The following DPYSL5 variants were observed in gnomAD, a reference collection of about 807,000 sequenced individuals.
DPYSL5 encodes the protein dihydropyrimidinase-related protein 5.
Under a neutral mutation model 58.4 loss-of-function variants are expected in DPYSL5, and 9 were observed. That is an observed-to-expected ratio of 0.15 (90% CI 0.09 to 0.27). The LOEUF (loss-of-function observed/expected upper bound fraction) is 0.27, where lower values mean the gene tolerates loss of function less well. DPYSL5 is among the 10% of genes least tolerant of loss of function. The pLI, the probability that DPYSL5 is intolerant of heterozygous loss-of-function variation, is 1.00. For synonymous variants in DPYSL5, 293 were observed against 301.9 expected, an observed-to-expected ratio of 0.97 and a Z score of 0.31; for missense variants, 499 against 770.6, an observed-to-expected ratio of 0.65 and a Z score of 4.17.
chr2:26,933,472 G>A lies in DPYSL5; in HGVS notation c.790+139G>A, dbSNP rs1260045408. The A allele has an allele frequency of 1.6e-5, 12 of 741,398 alleles. No individual in the cohort carries two copies. Among genetic ancestry groups the A allele is most frequent in the East Asian group, 5.3e-5 (2 of 37,430 alleles). 45.9% of individuals were successfully genotyped at this position (741,398 alleles called of 1,614,324 possible). A position where few individuals can be genotyped will look rare whatever the true frequency, so the allele number is the denominator to read the frequency against. ...CAGCCCTTCCCTTTCATCTGCCACC[G>A]TCTTCCTCAGAGCTGCCCTGTGCTA... On this transcript the variant is annotated intron_variant, in intron 7 of 12. Transcript: ENST00000288699. The surrounding 1 kb of genome is among the most constrained non-coding windows in gnomAD (Gnocchi z 4.2).
At chr2:26,937,303 T>G (rs570573982) in intron 8 of DPYSL5, among the ~76,000 whole-genome samples, 118 of 152,170 alleles carry the variant, frequency 7.8e-4, no homozygotes, top group Non-Finnish European at 1.6e-3. Flanking sequence ...TGTGTTATGA[T>G]AATAGTCTGA....
At chr2:26,894,556 C>T (rs1327126292) in intron 1 of DPYSL5, among the ~76,000 whole-genome samples, 1 of 152,122 alleles carries the variant, frequency 6.6e-6, no homozygotes, top group Non-Finnish European at 1.5e-5. Context: ...TTTGTTGAGG[C>T]CTTCTGTTAA....
intron 6 of DPYSL5, among the ~76,000 whole-genome samples, chr2:26,932,115 A>AG (rs1481729901): frequency 7.0e-5 from 10 of 142,034 alleles, no homozygotes; most frequent in African/African-American, 1.9e-4. Flanking sequence ...AAGAAAAGAA[A>AG]AAAGAAAGAG....
intron 8 of DPYSL5, chr2:26,938,992 C>T (rs1665251313): frequency 6.6e-6 from 1 of 152,450 alleles, no homozygotes; most frequent in Non-Finnish European, 1.5e-5. Flanking sequence ...TCTCTGAATC[C>T]AGGCCACCTG....
chr2:26,888,298 A>G (rs1278330439), intron 1 of DPYSL5, among the ~76,000 whole-genome samples: 4 of 75,166 alleles, frequency 5.3e-5, no homozygotes, highest in African/African-American at 2.2e-4. Flanking sequence ...TCTTTCTTTC[A>G]TCTCTGTCTC....
chr2:26,927,383 T>A lies in DPYSL5; in HGVS notation c.551T>A (p.Ile184Asn). Residue 184 changes from isoleucine (I) to asparagine (N), a missense_variant, in exon 4 of 13, where the codon ATT becomes AAT. Ile to Asn is a moderately radical substitution (Grantham distance 149, BLOSUM62 -3). Coordinates refer to ENST00000288699, the MANE Select transcript of DPYSL5 (RefSeq NM_020134.4). The surrounding 1 kb of genome is among the most constrained non-coding windows in gnomAD (Gnocchi z 4.3). ...LYQVLHACKD[I>N]GAIARVHAEN... is the part of the protein sequence containing the mutation. ...CAAGTGTTGCACGCTTGCAAGGACA[T>A]TGGGGCAATCGCCCGCGTCCATGCT... is the stretch of plus-strand genomic sequence containing the variant. 1 of 1,614,246 alleles carries A rather than the reference T, an allele frequency of 6.2e-7. No individual in the cohort carries two copies.
At chr2:26,931,231 G>A (rs1400860600) in intron 5 of DPYSL5, among the ~76,000 whole-genome samples, 9 of 46,586 alleles carry the variant, frequency 1.9e-4, no homozygotes, top group African/African-American at 2.5e-4. Flanking sequence ...ATATATATAT[G>A]AATTATACAA....
chr2:26,912,084 C>A (rs1203229051), intron 2 of DPYSL5, among the ~76,000 whole-genome samples: 2 of 152,226 alleles, frequency 1.3e-5, no homozygotes, highest in African/African-American at 4.8e-5. Flanking sequence ...ATCGGGATGC[C>A]CCTGAGCTGT....
intron 1 of DPYSL5, among the ~76,000 whole-genome samples, chr2:26,854,788 A>G (rs907515417): frequency 6.6e-6 from 1 of 151,954 alleles, no homozygotes; most frequent in African/African-American, 2.4e-5. Context: ...CTGGCTCCCC[A>G]TTTAAATTTT....
At chr2:26,932,177 A>C (rs74775437) in intron 6 of DPYSL5, among the ~76,000 whole-genome samples, 5,459 of 78,270 alleles carry the variant, frequency 0.07, 238 homozygotes, top group Non-Finnish European at 0.092. Context: ...GAAAGAAAGA[A>C]AGAAAGAAAG....
intron 2 of DPYSL5, among the ~76,000 whole-genome samples, chr2:26,918,127 G>A (rs1411182566): frequency 9.3e-6 from 1 of 107,400 alleles, no homozygotes; most frequent in Admixed American, 1.2e-4. Flanking sequence ...CAGAGCAAGA[G>A]TCTGTCTCAA....
chr2:26,880,440 G>A (rs1346624417), intron 1 of DPYSL5, among the ~76,000 whole-genome samples: 1 of 152,194 alleles, frequency 6.6e-6, no homozygotes. Flanking sequence ...GACCACACTT[G>A]GATCCTGCTC....
At chr2:26,848,039 G>C (rs1249294897), upstream of DPYSL5, 1 of 151,884 alleles carries the variant, frequency 6.6e-6, no homozygotes, top group East Asian at 2.0e-4. Context: ...GGCGGGAGGA[G>C]CCGGCCGCGC....
chr2:26,870,307 T>C (rs1663228324), intron 1 of DPYSL5, among the ~76,000 whole-genome samples: 1 of 152,200 alleles, frequency 6.6e-6, no homozygotes. Context: ...TCTTCAACTT[T>C]TATTTATTTT....
intron 1 of DPYSL5, among the ~76,000 whole-genome samples, chr2:26,894,556 C>A (rs1327126292): frequency 6.6e-6 from 1 of 152,122 alleles, no homozygotes; most frequent in African/African-American, 2.4e-5. Context: ...TTTGTTGAGG[C>A]CTTCTGTTAA....
intron 1 of DPYSL5, among the ~76,000 whole-genome samples, chr2:26,867,477 A>T: frequency 1.5e-5 from 2 of 129,344 alleles, no homozygotes; most frequent in South Asian, 2.4e-4. Context: ...TTTTTTTGAG[A>T]CGGAGTCTCG....
intron 1 of DPYSL5, among the ~76,000 whole-genome samples, chr2:26,888,241 C>CTT (rs1326071643): frequency 4.9e-5 from 7 of 141,894 alleles, no homozygotes; most frequent in African/African-American, 1.9e-4. Flanking sequence ...TTCTTTCTTT[C>CTT]TTTCTTTCTT....
chr2:26,851,178 C>T (rs1665741219), intron 1 of DPYSL5, among the ~76,000 whole-genome samples: 1 of 152,056 alleles, frequency 6.6e-6, no homozygotes, highest in Non-Finnish European at 1.5e-5. Context: ...CCAAAGGGAA[C>T]AATTTCAGGA....
At chr2:26,861,469 T>C (rs1041502484) in intron 1 of DPYSL5, among the ~76,000 whole-genome samples, 8 of 152,284 alleles carry the variant, frequency 5.3e-5, no homozygotes, top group East Asian at 1.9e-4. Flanking sequence ...GGTGTCATCA[T>C]AGGATATTGG....
Sources: allele counts gnomAD v4.1 joint callset (sites outside exome capture counted in the v4.1 genomes callset), GRCh38; gene constraint gnomAD v4.1.1; non-coding constraint Gnocchi (gnomAD v3.1); transcripts MANE v1.5; gene names NCBI Gene and HGNC (gene_info 2026-07-23, HGNC 2026-07-21).